The following SLC25A26 variants were observed in gnomAD, a reference collection of about 807,000 sequenced individuals.
The protein encoded by SLC25A26 is solute carrier family 25 member 26, also known as mitochondrial S-adenosylmethionine carrier protein.
A neutral mutation model predicts 37.8 loss-of-function variants in SLC25A26; 36 were observed. That is an observed-to-expected ratio of 0.95 (90% CI 0.73 to 1.26). The LOEUF is 1.26. Ranked by LOEUF, SLC25A26 falls within the 50% of genes most tolerant of loss-of-function variation. The pLI is 0.00. For synonymous variants in SLC25A26, 129 were observed against 122.5 expected (o/e 1.05, Z -0.35); for missense variants, 390 against 331.1 (o/e 1.18, Z -1.38).
At chr3:66,232,427 G>T (rs1015595422) in intron 1 of SLC25A26, among the ~76,000 whole-genome samples, 1 of 152,100 alleles carries the variant, frequency 6.6e-6, no homozygotes, top group Non-Finnish European at 1.5e-5. Context: ...CCCTTTATTA[G>T]AGCCATTGAA....
At chr3:66,248,091 T>C (rs2072929392) in intron 3 of SLC25A26, among the ~76,000 whole-genome samples, 1 of 152,232 alleles carries the variant, frequency 6.6e-6, no homozygotes, top group South Asian at 2.1e-4. Flanking sequence ...TTGTTTGTGT[T>C]GAATATAGCC....
At chr3:66,169,424 C>CT (rs900693324) in intron 1 of SLC25A26, among the ~76,000 whole-genome samples, 6 of 152,240 alleles carry the variant, frequency 3.9e-5, no homozygotes, top group African/African-American at 1.4e-4. Flanking sequence ...TTTCTGAGTG[C>CT]TTCACACTGT....
chr3:66,376,058 A>G (rs1029630965), intron 9 of SLC25A26, among the ~76,000 whole-genome samples: 4 of 148,774 alleles, frequency 2.7e-5, no homozygotes, highest in South Asian at 2.2e-4. Context: ...CACATACTAG[A>G]TGTACTGGAA....
intron 5 of SLC25A26, among the ~76,000 whole-genome samples, chr3:66,325,188 G>T (rs768369674): frequency 2.6e-5 from 4 of 152,096 alleles, no homozygotes; most frequent in Non-Finnish European, 5.9e-5. Context: ...TATGGGAGAC[G>T]TAAGGCATAT....
chr3:66,211,519 A>G (rs1210233039), intron 1 of SLC25A26, among the ~76,000 whole-genome samples: 11 of 152,172 alleles, frequency 7.2e-5, no homozygotes, highest in African/African-American at 2.7e-4. Flanking sequence ...GCTTGCACTT[A>G]TTGCTGCCTC....
chr3:66,314,633 A>G (rs2075479203), intron 5 of SLC25A26, among the ~76,000 whole-genome samples: 1 of 152,208 alleles, frequency 6.6e-6, no homozygotes, highest in Admixed American at 6.6e-5. Context: ...CTGGCGTCAT[A>G]GAATGAATTA....
chr3:66,357,449 G>T (rs943583423), intron 6 of SLC25A26, among the ~76,000 whole-genome samples: 1 of 152,112 alleles, frequency 6.6e-6, no homozygotes, highest in African/African-American at 2.4e-5. Context: ...AAAGGAAATG[G>T]GACATTGAAT....
chr3:66,264,571 G>A (rs565034873), intron 5 of SLC25A26, among the ~76,000 whole-genome samples: 83 of 152,262 alleles, frequency 5.5e-4, no homozygotes, highest in Non-Finnish European at 9.0e-4. Flanking sequence ...TATGAACTGC[G>A]CATGTGAGGG....
intron 1 of SLC25A26, among the ~76,000 whole-genome samples, chr3:66,233,906 A>G (rs1402242757): frequency 6.6e-6 from 1 of 152,188 alleles, no homozygotes; most frequent in African/African-American, 2.4e-5. Context: ...TTGAAAGAGT[A>G]ATTATTGATT....
intron 5 of SLC25A26, among the ~76,000 whole-genome samples, chr3:66,266,816 A>G (rs1417398200): frequency 6.6e-6 from 1 of 152,114 alleles, no homozygotes; most frequent in East Asian, 1.9e-4. Flanking sequence ...GGGGAGCAAA[A>G]TCATAGATGC....
rs184211427 is a variant in SLC25A26 at position 66,134,154 on chromosome 3, C to T, written c.-354+170C>T. 3.3e-3 allele frequency among the ~76,000 whole-genome samples: 498 copies of T among 152,288 alleles called. 9 individuals carry two copies. The highest frequency in any genetic ancestry group is 0.018 in the South Asian group (86 of 4,822). ...AACAAAACAGGGATAACTAGTTTGA[C>T]TTGGTCTTTTTTATCTCTTTCCATT... On this transcript the variant is annotated intron_variant, in intron 1 of 10. Coordinates refer to the SLC25A26 transcript ENST00000676754.
chr3:66,224,872 A>G (rs782559411), intron 1 of SLC25A26, among the ~76,000 whole-genome samples: 7 of 152,352 alleles, frequency 4.6e-5, no homozygotes, highest in African/African-American at 9.6e-5. Flanking sequence ...TGTAGGCCCC[A>G]TGCAAGTCTG....
chr3:66,191,553 A>G (rs2070942325), intron 1 of SLC25A26, among the ~76,000 whole-genome samples: 1 of 152,074 alleles, frequency 6.6e-6, no homozygotes, highest in Non-Finnish European at 1.5e-5. Context: ...TTTTTTTTCA[A>G]GGTAGGTATA....
chr3:66,185,752 A>T (rs1198556203), intron 1 of SLC25A26, among the ~76,000 whole-genome samples: 1 of 151,800 alleles, frequency 6.6e-6, no homozygotes, highest in African/African-American at 2.4e-5. Context: ...ACTGACCCTG[A>T]CTCTGTATTT....
chr3:66,156,851 C>G (rs368374311), intron 1 of SLC25A26, among the ~76,000 whole-genome samples: 24 of 152,206 alleles, frequency 1.6e-4, no homozygotes, highest in African/African-American at 5.1e-4. Context: ...CACCTGTTCA[C>G]TTCAACTTTA....
intron 5 of SLC25A26, among the ~76,000 whole-genome samples, chr3:66,298,811 C>T (rs2074985563): frequency 6.6e-6 from 1 of 152,182 alleles, no homozygotes; most frequent in African/African-American, 2.4e-5. Flanking sequence ...GATGACGTTG[C>T]TATTTGGAGA....
chr3:66,228,485 A>G (rs1373106397), intron 1 of SLC25A26, among the ~76,000 whole-genome samples: 1 of 152,230 alleles, frequency 6.6e-6, no homozygotes, highest in Admixed American at 6.5e-5. Flanking sequence ...AAATAAAGGA[A>G]AGATAAAAGT....
At chr3:66,302,162 C>T (rs935559884) in intron 5 of SLC25A26, among the ~76,000 whole-genome samples, 6 of 152,212 alleles carry the variant, frequency 3.9e-5, no homozygotes, top group African/African-American at 1.2e-4. Context: ...AGAAGTATAT[C>T]CTGAACCTTC....
At chr3:66,152,618 A>G (rs2070223580) in intron 1 of SLC25A26, among the ~76,000 whole-genome samples, 1 of 151,584 alleles carries the variant, frequency 6.6e-6, no homozygotes, top group Non-Finnish European at 1.5e-5. Context: ...AAATAAAATC[A>G]TCTATTCCCC....
Sources: allele counts gnomAD v4.1 joint callset (sites outside exome capture counted in the v4.1 genomes callset), GRCh38; gene constraint gnomAD v4.1.1; transcripts MANE v1.5; gene names NCBI Gene and HGNC (gene_info 2026-07-23, HGNC 2026-07-21).